SMYD3: variants seen among roughly 807,000 people sequenced by gnomAD.
SMYD3 encodes histone-lysine N-methyltransferase SMYD3.
Under a neutral mutation model 57.7 loss-of-function variants are expected in SMYD3, and 36 were observed. The ratio of observed to expected loss-of-function variants is 0.62; its 90% confidence interval spans 0.48 to 0.82. The LOEUF is 0.82. Among genes scored for constraint, SMYD3 ranks in the 40% least tolerant of loss-of-function variants. The pLI is 0.00. For synonymous variants in SMYD3, 211 were observed against 195.0 expected, an observed-to-expected ratio of 1.08 and a Z score of -0.68; for missense variants, 515 against 538.8, an observed-to-expected ratio of 0.96 and a Z score of 0.44.
chr1:246,302,497 G>A (rs989383034), intron 5 of SMYD3, among the ~76,000 whole-genome samples: 3 of 151,958 alleles, frequency 2.0e-5, no homozygotes, highest in Non-Finnish European at 4.4e-5. Context: ...AGGAATTCAG[G>A]TGAAAAAAAC....
intron 5 of SMYD3, among the ~76,000 whole-genome samples, chr1:246,150,934 C>A (rs2061931640): frequency 6.6e-6 from 1 of 152,164 alleles, no homozygotes; most frequent in African/African-American, 2.4e-5. Context: ...AAATGATACT[C>A]TAGAGAAGTT....
intron 5 of SMYD3, among the ~76,000 whole-genome samples, chr1:246,303,922 C>T (rs975769118): frequency 2.6e-5 from 4 of 152,124 alleles, no homozygotes; most frequent in Non-Finnish European, 5.9e-5. Flanking sequence ...TTCTACAACA[C>T]GTGTATTGAG....
intron 10 of SMYD3, among the ~76,000 whole-genome samples, chr1:245,846,451 T>A (rs1191360333): frequency 6.6e-6 from 1 of 152,196 alleles, no homozygotes; most frequent in Non-Finnish European, 1.5e-5. Flanking sequence ...GTAGTAATAG[T>A]TTATACTTTT....
intron 10 of SMYD3, among the ~76,000 whole-genome samples, chr1:245,827,725 C>T (rs12048311): frequency 0.093 from 14,147 of 152,228 alleles, 1,243 homozygotes; most frequent in East Asian, 0.45. Flanking sequence ...TTTTGACTGG[C>T]TATGCCATAA....
At chr1:245,951,224 T>C (rs1480822815) in intron 5 of SMYD3, among the ~76,000 whole-genome samples, 1 of 151,932 alleles carries the variant, frequency 6.6e-6, no homozygotes, top group Non-Finnish European at 1.5e-5. Flanking sequence ...TTACCTTCCT[T>C]GGTTACAGAA....
chr1:246,306,837 C>T (rs1452417488), intron 5 of SMYD3, among the ~76,000 whole-genome samples: 2 of 152,084 alleles, frequency 1.3e-5, no homozygotes, highest in Non-Finnish European at 2.9e-5. Flanking sequence ...AGGATTTTGC[C>T]GAGTCATGTA....
intron 1 of SMYD3, among the ~76,000 whole-genome samples, chr1:246,444,405 T>C (rs1381415692): frequency 6.6e-6 from 1 of 152,160 alleles, no homozygotes; most frequent in Non-Finnish European, 1.5e-5. Context: ...ATTACAGGCA[T>C]GAGCCATCGC....
chr1:246,499,538 C>T (rs1286972969), intron 1 of SMYD3, among the ~76,000 whole-genome samples: 2 of 151,836 alleles, frequency 1.3e-5, no homozygotes, highest in Non-Finnish European at 2.9e-5. Context: ...CTCACTGCAG[C>T]CTCCACCTCC....
At chr1:245,839,653 C>A (rs1572483878) in intron 10 of SMYD3, among the ~76,000 whole-genome samples, 2 of 151,850 alleles carry the variant, frequency 1.3e-5, no homozygotes, top group Admixed American at 6.6e-5. Context: ...TACAGTAAAA[C>A]CCAGTGATTT....
intron 10 of SMYD3, among the ~76,000 whole-genome samples, chr1:245,813,005 CTTTTTTTTTT>C (rs770448717): frequency 9.3e-5 from 7 of 75,648 alleles, no homozygotes; most frequent in African/African-American, 2.5e-4. Flanking sequence ...GAGACAGCTT[CTTTTTTTTTT>C]TTTTTTTTTT....
At chr1:246,148,091 G>A (rs1246839927) in intron 5 of SMYD3, among the ~76,000 whole-genome samples, 1 of 152,162 alleles carries the variant, frequency 6.6e-6, no homozygotes, top group African/African-American at 2.4e-5. Flanking sequence ...AGACCAGGGA[G>A]GGCCTGAAGG....
intron 5 of SMYD3, among the ~76,000 whole-genome samples, chr1:246,017,321 A>C (rs1395126162): frequency 6.6e-6 from 1 of 152,154 alleles, no homozygotes; most frequent in Non-Finnish European, 1.5e-5. Context: ...ATTGTCCTAC[A>C]CCTATGAAAA....
rs2067175384 is a variant in SMYD3, at chr1:246,423,537, A to G, written c.165-68443T>C. ...GAAGCATAACAAGACCCTACCTCTAAAAAAATGTTTTAAAGTAGTCAGATG... is the reference window on the plus strand; with the variant it reads ...GAAGCATAACAAGACCCTACCTCTAGAAAAATGTTTTAAAGTAGTCAGATG... On this transcript the variant is annotated intron_variant, in intron 1 of 11. Coordinates refer to ENST00000490107, the MANE Select transcript of SMYD3 (RefSeq NM_001167740.2). Among the ~76,000 whole-genome samples, 3 of 151,804 alleles carry G rather than the reference A, an allele frequency of 2.0e-5. No individual in the cohort carries two copies. The South Asian group carries it at 6.2e-4, about 32-fold the overall frequency.
At chr1:245,787,277 T>C (rs746289064) in intron 10 of SMYD3, among the ~76,000 whole-genome samples, 17 of 152,280 alleles carry the variant, frequency 1.1e-4, no homozygotes, top group Non-Finnish European at 2.2e-4. Flanking sequence ...AGCCTCTCTG[T>C]CTCCCTCTCT....
intron 1 of SMYD3, among the ~76,000 whole-genome samples, chr1:246,418,862 C>A (rs2067101059): frequency 6.6e-6 from 1 of 152,106 alleles, no homozygotes; most frequent in Non-Finnish European, 1.5e-5. Context: ...CCATCATATC[C>A]CCCGTGACCT....
intron 5 of SMYD3, among the ~76,000 whole-genome samples, chr1:245,933,237 A>C (rs2056824293): frequency 6.6e-6 from 1 of 152,240 alleles, no homozygotes. Flanking sequence ...AGGTTAAAAC[A>C]ATTAATGAAT....
intron 6 of SMYD3, among the ~76,000 whole-genome samples, chr1:245,928,499 C>T (rs544777150): frequency 2.8e-4 from 34 of 120,818 alleles, no homozygotes; most frequent in Middle Eastern, 4.6e-3. Context: ...TGGTGAAACC[C>T]TGTCCCTACT....
intron 5 of SMYD3, among the ~76,000 whole-genome samples, chr1:246,261,169 C>A (rs535862400): frequency 2.0e-5 from 3 of 152,148 alleles, no homozygotes; most frequent in Non-Finnish European, 4.4e-5. Flanking sequence ...CACCATTCTC[C>A]GGCCTCAGCC....
intron 5 of SMYD3, among the ~76,000 whole-genome samples, chr1:246,102,739 C>T (rs559165946): frequency 6.1e-4 from 89 of 146,886 alleles, no homozygotes; most frequent in African/African-American, 2.2e-3. Flanking sequence ...GAGACCTTGG[C>T]TCTCAAAAAA....
Sources: allele counts gnomAD v4.1 joint callset (sites outside exome capture counted in the v4.1 genomes callset), GRCh38; gene constraint gnomAD v4.1.1; transcripts MANE v1.5; gene names NCBI Gene and HGNC (gene_info 2026-07-23, HGNC 2026-07-21).